The following KIF13B variants were observed in gnomAD, a reference collection of about 807,000 sequenced individuals.
KIF13B encodes kinesin family member 13B.
KIF13B carries 127 observed loss-of-function variants against 222.0 expected under a neutral mutation model. That is an observed-to-expected ratio of 0.57 (90% CI 0.50 to 0.66). The LOEUF (loss-of-function observed/expected upper bound fraction) is 0.66. Ranked by LOEUF, KIF13B falls within the 30% of genes least tolerant of loss-of-function variation. The pLI is 0.00. For missense variants in KIF13B, 2,173 were observed against 2,379.0 expected (o/e 0.91, Z 1.80); for synonymous variants, 976 against 919.0 (o/e 1.06, Z -1.12).
At chr8:29,079,615 A>C (rs1219860549) in intron 37 of KIF13B, among the ~76,000 whole-genome samples, 1 of 152,218 alleles carries the variant, frequency 6.6e-6, no homozygotes, top group Non-Finnish European at 1.5e-5. Context: ...GGCATCGGGG[A>C]GGTAAAGGGG....
chr8:29,198,422 A>G (rs1475955150), intron 2 of KIF13B, among the ~76,000 whole-genome samples: 5 of 152,082 alleles, frequency 3.3e-5, no homozygotes, highest in African/African-American at 4.8e-5. Context: ...CCTGGGTTCA[A>G]GCGATTCTCC....
In KIF13B at chr8:29,132,308, C is replaced by G; in HGVS notation, c.2942G>C (p.Arg981Thr). 6.7e-7 allele frequency: 1 copy of G among 1,491,762 alleles called. No homozygotes were observed. Among genetic ancestry groups the G allele is most frequent in the Non-Finnish European group, 8.9e-7 (1 of 1,119,990 alleles). 92.4% of individuals were successfully genotyped at this position (1,491,762 alleles called of 1,614,324 possible). A position where few individuals can be genotyped will look rare whatever the true frequency, so the allele number is the denominator to read the frequency against. The stretch of plus-strand genomic sequence containing the variant: ...AATCAGATGAACATCTAATATTCAC[C>G]TGTCCCGAAGACTACGTGTCTTTGC... Reference protein sequence around the residue: ...IQAKTRSLRDRWSEVTRKLEF... With the variant: ...IQAKTRSLRDTWSEVTRKLEF... The change falls in exon 23 of 40, where the codon AGA becomes ACA. Residue 981 changes from arginine (R) to threonine (T), a missense_variant and splice_region_variant. By Grantham distance (71) the Arg-to-Thr change is moderately conservative. This residue lies in a region of KIF13B where 1,480 missense variants were observed against 1,722.8 expected (regional missense o/e 0.86). Coordinates refer to ENST00000524189, the MANE Select transcript of KIF13B (RefSeq NM_015254.4).
At chr8:29,113,623 A>G in intron 31 of KIF13B, 68 bp from the exon 32 acceptor site, 2 of 927,902 alleles carry the variant, frequency 2.2e-6, no homozygotes, top group Non-Finnish European at 3.4e-6. Context: ...AACAAAAGAC[A>G]GCATGGAAAA....
At chr8:29,127,050 C>A (rs923139391) in intron 25 of KIF13B, 72 bp downstream of exon 25, 21 of 1,392,308 alleles carry the variant, frequency 1.5e-5, no homozygotes, top group Non-Finnish European at 2.0e-5. Flanking sequence ...AAAGTAGTTT[C>A]GTACGGGTTC....
At chr8:29,072,791 C>T (rs1586738748) in intron 38 of KIF13B, among the ~76,000 whole-genome samples, 1 of 152,142 alleles carries the variant, frequency 6.6e-6, no homozygotes, top group Admixed American at 6.5e-5. Context: ...CAAGGCCCCT[C>T]GCCACAGAGG....
At chr8:29,207,525 A>C (rs1023486589) in intron 2 of KIF13B, among the ~76,000 whole-genome samples, 1 of 152,174 alleles carries the variant, frequency 6.6e-6, no homozygotes, top group Admixed American at 6.5e-5. Flanking sequence ...GAGCTTGTCT[A>C]AACTGTCCAG....
At chr8:29,073,810 T>C (rs575980287) in intron 38 of KIF13B, among the ~76,000 whole-genome samples, 1 of 152,224 alleles carries the variant, frequency 6.6e-6, no homozygotes, top group African/African-American at 2.4e-5. Context: ...CAACCACACT[T>C]TCAGGGTAGG....
At chr8:29,155,903 A>G (rs1476887651) in intron 13 of KIF13B, 47 bp from the exon 14 acceptor site, 2 of 1,429,584 alleles carry the variant, frequency 1.4e-6, no homozygotes, top group African/African-American at 2.8e-5. Context: ...TCTTACATAT[A>G]CACAATTGAA....
chr8:29,101,136 T>C (rs1477286858), intron 35 of KIF13B, among the ~76,000 whole-genome samples: 1 of 152,160 alleles, frequency 6.6e-6, no homozygotes, highest in Non-Finnish European at 1.5e-5. Flanking sequence ...TTTACATACT[T>C]GAATGTTTTG....
At chr8:29,211,698 C>T (rs113608167) in intron 2 of KIF13B, among the ~76,000 whole-genome samples, 122 of 152,316 alleles carry the variant, frequency 8.0e-4, no homozygotes, top group African/African-American at 2.6e-3. Flanking sequence ...GGACAATTCC[C>T]AGAGCTTGCA....
chr8:29,244,957 C>A (rs1328359282), intron 2 of KIF13B, among the ~76,000 whole-genome samples: 2 of 152,204 alleles, frequency 1.3e-5, no homozygotes, highest in African/African-American at 4.8e-5. Flanking sequence ...GGCATACCTT[C>A]ATGAAGATAG....
chr8:29,177,341 GC>G, intron 9 of KIF13B, 124 bp downstream of exon 9: 1 of 684,450 alleles, frequency 1.5e-6, no homozygotes, highest in Non-Finnish European at 2.6e-6. Context: ...CCTAAAATGG[GC>G]CCAGGCCCAT....
At chr8:29,151,822 A>G (rs1811308968) in intron 14 of KIF13B, among the ~76,000 whole-genome samples, 1 of 152,254 alleles carries the variant, frequency 6.6e-6, no homozygotes, top group African/African-American at 2.4e-5. Context: ...TCTGCAGCCC[A>G]TGGATCAAGA....
chr8:29,182,858 G>C (rs1039778593), intron 6 of KIF13B, among the ~76,000 whole-genome samples: 1 of 151,998 alleles, frequency 6.6e-6, no homozygotes, highest in African/African-American at 2.4e-5. Flanking sequence ...AAATTGCTGA[G>C]AGTAGACAGA....
At chr8:29,220,287 C>T (rs992266210) in intron 2 of KIF13B, among the ~76,000 whole-genome samples, 1 of 152,134 alleles carries the variant, frequency 6.6e-6, no homozygotes, top group Non-Finnish European at 1.5e-5. Context: ...TGATGGTATT[C>T]CCAGTGGTCA....
chr8:29,178,569 T>C (rs1379272291), intron 8 of KIF13B, among the ~76,000 whole-genome samples: 1 of 151,944 alleles, frequency 6.6e-6, no homozygotes, highest in East Asian at 1.9e-4. Context: ...AAAGCTTTCC[T>C]TTAAAATAGA....
At chr8:29,131,856 G>A (rs2129835825) in intron 23 of KIF13B, among the ~76,000 whole-genome samples, 1 of 152,300 alleles carries the variant, frequency 6.6e-6, no homozygotes, top group East Asian at 1.9e-4. Flanking sequence ...TTAATACCCT[G>A]GAGACACTGC....
chr8:29,076,922 C>G (rs1272304908), intron 37 of KIF13B, among the ~76,000 whole-genome samples: 1 of 152,078 alleles, frequency 6.6e-6, no homozygotes, highest in Non-Finnish European at 1.5e-5. Context: ...CTGCAGTGAG[C>G]TATGATCACA....
intron 2 of KIF13B, chr8:29,219,275 G>C (rs73669486): frequency 6.6e-6 from 1 of 152,120 alleles, no homozygotes; most frequent in Non-Finnish European, 1.5e-5. Context: ...CGCTGCTGCC[G>C]ATGCCAGGCA....
Sources: allele counts gnomAD v4.1 joint callset (sites outside exome capture counted in the v4.1 genomes callset), GRCh38; gene constraint gnomAD v4.1.1; regional missense constraint gnomAD v4.1.1; transcripts MANE v1.5; gene names NCBI Gene and HGNC (gene_info 2026-07-23, HGNC 2026-07-21).